Variants in BNC2 observed in about 807,000 individuals in gnomAD.
The protein encoded by BNC2 is basonuclin zinc finger protein 2, also known as zinc finger protein basonuclin-2.
In BNC2, 20 loss-of-function variants were observed where a neutral mutation model predicts 76.3. The observed-to-expected ratio is 0.26, with a 90% CI of 0.18 to 0.38. The LOEUF (loss-of-function observed/expected upper bound fraction) is 0.38. BNC2 is among the 10% of genes least tolerant of loss of function. The pLI is 1.00. For synonymous variants in BNC2, 582 were observed against 514.8 expected (o/e 1.13, Z -1.77); for missense variants, 1,382 against 1,399.8 (o/e 0.99, Z 0.20).
intron 1 of BNC2, among the ~76,000 whole-genome samples, chr9:16,788,530 G>A (rs563731038): frequency 2.7e-5 from 4 of 147,382 alleles, no homozygotes; most frequent in African/African-American, 1.0e-4. Context: ...TCCACCCTGG[G>A]CGACAGAGCA....
chr9:16,815,030 TAAGG>T lies in BNC2; in HGVS notation c.3+55612_3+55615del, dbSNP rs1818147844. Among the ~76,000 whole-genome samples, 20 of 152,218 alleles carry T rather than the reference TAAGG, an allele frequency of 1.3e-4. No individual in the cohort carries two copies. The South Asian group carries it at 3.9e-3, about 30-fold the overall frequency. ...AATAAGCTACCATGAAAAGAAATTATAAGGAAGACCCTAGGAAATTATATAATAA... is the reference window on the plus strand; with the variant it reads ...AATAAGCTACCATGAAAAGAAATTATAAGACCCTAGGAAATTATATAATAA... On this transcript the variant is annotated intron_variant, in intron 1 of 6. Transcript: ENST00000380672.
intron 1 of BNC2, among the ~76,000 whole-genome samples, chr9:16,863,984 C>G (rs1044665371): frequency 3.3e-5 from 5 of 152,162 alleles, no homozygotes; most frequent in African/African-American, 4.8e-5. Flanking sequence ...GTACCATTTT[C>G]TATTCAAGTG....
chr9:16,718,562 C>T (rs1824057195), intron 3 of BNC2, among the ~76,000 whole-genome samples: 1 of 152,094 alleles, frequency 6.6e-6, no homozygotes, highest in African/African-American at 2.4e-5. Flanking sequence ...TATCCTAGCG[C>T]AATTCTAATT....
At chr9:16,464,027 G>A (rs1471832948) in intron 5 of BNC2, among the ~76,000 whole-genome samples, 2 of 142,442 alleles carry the variant, frequency 1.4e-5, no homozygotes, top group African/African-American at 5.3e-5. Context: ...CTGGAAGGCA[G>A]AGGTTACAGT....
At chr9:16,728,189 G>A in intron 2 of BNC2, 192 bp from the exon 3 acceptor site, 1 of 662,376 alleles carries the variant, frequency 1.5e-6, no homozygotes, top group Non-Finnish European at 2.7e-6. Context: ...GACTCCCCAA[G>A]CTTGCCTTTG....
At chr9:16,869,106 TGTAAAACGCCC>T (rs1215112480) in intron 1 of BNC2, among the ~76,000 whole-genome samples, 6 of 152,224 alleles carry the variant, frequency 3.9e-5, no homozygotes, top group Admixed American at 3.3e-4. Context: ...AGTGTTCTTG[TGTAAAACGCCC>T]GTTAGAAGAA....
intron 4 of BNC2, among the ~76,000 whole-genome samples, chr9:16,581,175 T>C (rs183990545): frequency 6.6e-6 from 1 of 152,276 alleles, no homozygotes. Context: ...TATAGGGTAT[T>C]TAAAGAGGTG....
At chr9:16,462,562 C>G (rs759208904) in intron 5 of BNC2, among the ~76,000 whole-genome samples, 1 of 152,112 alleles carries the variant, frequency 6.6e-6, no homozygotes, top group Non-Finnish European at 1.5e-5. Context: ...TATCTAACAC[C>G]AGGAAAAAAC....
At chr9:16,658,990 G>T (rs1424149940) in intron 3 of BNC2, among the ~76,000 whole-genome samples, 1 of 152,174 alleles carries the variant, frequency 6.6e-6, no homozygotes, top group Non-Finnish European at 1.5e-5. Flanking sequence ...CATCGCAACT[G>T]TCTCTTTTTT....
intron 5 of BNC2, among the ~76,000 whole-genome samples, chr9:16,523,754 G>A (rs1034569660): frequency 6.6e-6 from 1 of 151,868 alleles, no homozygotes; most frequent in East Asian, 2.0e-4. Context: ...GTGAAACCCT[G>A]TCTCTACTAA....
In BNC2 at chr9:16,850,366, T is replaced by C. The variant is rs147947983; in HGVS notation, c.3+20280A>G. On this transcript the variant is annotated intron_variant, in intron 1 of 6. Coordinates refer to ENST00000380672, the MANE Select transcript of BNC2 (RefSeq NM_017637.6). ...TAAGTGCACAAAATATGATACCAAT[T>C]CTTATATAGTGAAATGGCTTTTTAT... Among the ~76,000 whole-genome samples the C allele has an allele frequency of 1.2e-4, 19 of 152,290 alleles. No individual in the cohort carries two copies. The East Asian group carries it at 3.7e-3, about 29-fold the overall frequency.
At chr9:16,828,017 C>T (rs1818493044) in intron 1 of BNC2, among the ~76,000 whole-genome samples, 2 of 152,148 alleles carry the variant, frequency 1.3e-5, no homozygotes, top group African/African-American at 4.8e-5. Context: ...ATTTCTACTA[C>T]TAACACTAAA....
At chr9:16,434,792 G>A (rs141040384) in intron 6 of BNC2, 105 of 455,478 alleles carry the variant, frequency 2.3e-4, no homozygotes, top group African/African-American at 1.6e-3. Flanking sequence ...TAATATATTC[G>A]TGCTGATCCT....
chr9:16,539,304 G>C (rs574028637), intron 5 of BNC2, among the ~76,000 whole-genome samples: 1 of 152,134 alleles, frequency 6.6e-6, no homozygotes, highest in Admixed American at 6.6e-5. Context: ...CAGATGGCTT[G>C]AGGTCAGGAG....
At chr9:16,695,715 A>T (rs1823319021) in intron 3 of BNC2, among the ~76,000 whole-genome samples, 2 of 151,926 alleles carry the variant, frequency 1.3e-5, no homozygotes, top group African/African-American at 4.8e-5. Context: ...AGTGACGTGA[A>T]GCTCTTCTCA....
intron 1 of BNC2, among the ~76,000 whole-genome samples, chr9:16,760,445 G>T (rs1449309630): frequency 6.6e-6 from 1 of 152,132 alleles, no homozygotes; most frequent in African/African-American, 2.4e-5. Context: ...CTTATTCTTA[G>T]GATGTAATGA....
chr9:16,566,748 T>C (rs527564139), intron 4 of BNC2, among the ~76,000 whole-genome samples: 2 of 152,156 alleles, frequency 1.3e-5, no homozygotes, highest in Non-Finnish European at 2.9e-5. Context: ...AGGTGTAGTA[T>C]AGACCCTGGA....
At chr9:16,803,680 T>C (rs947105995) in intron 1 of BNC2, among the ~76,000 whole-genome samples, 6 of 152,254 alleles carry the variant, frequency 3.9e-5, no homozygotes, top group Non-Finnish European at 7.3e-5. Flanking sequence ...GCTTTCCAGA[T>C]GTCAATCAAA....
intron 5 of BNC2, among the ~76,000 whole-genome samples, chr9:16,547,926 T>C (rs1818537816): frequency 6.6e-6 from 1 of 152,146 alleles, no homozygotes; most frequent in Non-Finnish European, 1.5e-5. Flanking sequence ...AAAGATCCAG[T>C]ATGTAGTTAC....
Sources: allele counts gnomAD v4.1 joint callset (sites outside exome capture counted in the v4.1 genomes callset), GRCh38; gene constraint gnomAD v4.1.1; transcripts MANE v1.5; gene names NCBI Gene and HGNC (gene_info 2026-07-23, HGNC 2026-07-21).